The following RAPGEF6 variants were observed in gnomAD, a reference collection of about 807,000 sequenced individuals.
RAPGEF6 encodes the protein PDZ domain containing guanine nucleotide exchange factor (GEF) 2.
Under a neutral mutation model 171.4 loss-of-function variants are expected in RAPGEF6, and 56 were observed. That is an observed-to-expected ratio of 0.33 (90% confidence interval 0.26 to 0.41). The LOEUF is 0.41. Among genes scored for constraint, RAPGEF6 ranks in the 10% least tolerant of loss-of-function variants. RAPGEF6 has a pLI of 1.00. For missense variants in RAPGEF6, 1,674 were observed against 1,921.4 expected (o/e 0.87, Z 2.41); for synonymous variants, 692 against 650.1 (o/e 1.06, Z -0.98).
chr5:131,562,892 A>T (rs554916392), intron 4 of RAPGEF6, among the ~76,000 whole-genome samples: 1 of 152,284 alleles, frequency 6.6e-6, no homozygotes, highest in Admixed American at 6.5e-5. Context: ...TTCTTAAAAG[A>T]AAGTGTTGGA....
At chr5:131,566,699 G>C (rs1314534200) in intron 4 of RAPGEF6, among the ~76,000 whole-genome samples, 1 of 150,858 alleles carries the variant, frequency 6.6e-6, no homozygotes, top group Non-Finnish European at 1.5e-5. Flanking sequence ...AAGTTATCTG[G>C]GTCTAGACTT....
chr5:131,523,262 A>G, intron 6 of RAPGEF6, among the ~76,000 whole-genome samples: 1 of 144,024 alleles, frequency 6.9e-6, no homozygotes, highest in South Asian at 2.2e-4. Context: ...CAGGCCACAT[A>G]CAGTTTCTGT....
At chr5:131,552,524 A>T (rs1760982567) in intron 5 of RAPGEF6, among the ~76,000 whole-genome samples, 2 of 150,716 alleles carry the variant, frequency 1.3e-5, no homozygotes, top group Admixed American at 1.3e-4. Context: ...GCAATGGCGC[A>T]ATCTTGGCCC....
intron 22 of RAPGEF6, among the ~76,000 whole-genome samples, chr5:131,444,248 T>C (rs1222199167): frequency 1.3e-5 from 2 of 152,214 alleles, no homozygotes; most frequent in Admixed American, 6.5e-5. Flanking sequence ...AAAGTTCAAA[T>C]ACAGGGACCC....
At chr5:131,538,486 G>T (rs1162754643) in intron 6 of RAPGEF6, among the ~76,000 whole-genome samples, 1 of 152,140 alleles carries the variant, frequency 6.6e-6, no homozygotes, top group Non-Finnish European at 1.5e-5. Flanking sequence ...AAAACAGGCA[G>T]CAAAATCTGA....
At chr5:131,449,189 G>C (rs1360775750) in intron 21 of RAPGEF6, among the ~76,000 whole-genome samples, 2 of 152,202 alleles carry the variant, frequency 1.3e-5, no homozygotes. Context: ...GGACTAGATA[G>C]ATGATATATA....
intron 7 of RAPGEF6, among the ~76,000 whole-genome samples, chr5:131,515,328 G>A (rs1174182654): frequency 6.6e-6 from 1 of 152,138 alleles, no homozygotes; most frequent in Admixed American, 6.5e-5. Context: ...TTTCAGTCCA[G>A]GTTGACCCAT....
Position 131,541,517 on chromosome 5 carries a change from CT to C in RAPGEF6, c.495+6529del, listed in dbSNP as rs972647495. Among the ~76,000 whole-genome samples, 118 of 147,304 alleles carry C rather than the reference CT, an allele frequency of 8.0e-4. 1 individual carries two copies. The Middle Eastern group carries it at 0.011, about 13-fold the overall frequency. On this transcript the variant is annotated intron_variant, in intron 6 of 27. Transcript: ENST00000509018. ...TCAAGATTCTTAATTTTTCTTTTTA[CT>C]TTTTTTTTTTCTTTTTTTTGTAGAG...
At chr5:131,529,092 A>C (rs1424816227) in intron 6 of RAPGEF6, among the ~76,000 whole-genome samples, 1 of 152,082 alleles carries the variant, frequency 6.6e-6, no homozygotes, top group Admixed American at 6.5e-5. Context: ...AGAACCACTT[A>C]AGTCAACCTC....
intron 7 of RAPGEF6, among the ~76,000 whole-genome samples, chr5:131,521,135 A>G (rs1758447547): frequency 6.6e-6 from 1 of 152,238 alleles, no homozygotes; most frequent in Non-Finnish European, 1.5e-5. Context: ...AGATATTAAT[A>G]TGGATTCACC....
intron 23 of RAPGEF6, among the ~76,000 whole-genome samples, 155 bp downstream of exon 23, chr5:131,442,194 T>C (rs557104701): frequency 1.6e-4 from 24 of 152,334 alleles, no homozygotes; most frequent in African/African-American, 5.8e-4. Flanking sequence ...CAAACATCTA[T>C]AGGCAAAATG....
rs1044520140 is a variant in RAPGEF6 at position 131,623,059 on chromosome 5, TAAAAC to T, written c.69+11898_69+11902del. On this transcript the variant is annotated intron_variant, in intron 1 of 27. Transcript: ENST00000509018. ...TTTAATAACCAAAAATACCTAGTTC[TAAAAC>T]AAAACAAAACAAAACAAAAAAACTT... 2.3e-4 allele frequency among the ~76,000 whole-genome samples: 35 copies of T among 152,318 alleles called. 1 individual carries two copies. Among genetic ancestry groups the T allele is most frequent in the South Asian group, 8.3e-4 (4 of 4,828 alleles).
intron 6 of RAPGEF6, among the ~76,000 whole-genome samples, chr5:131,537,155 T>C (rs1759828686): frequency 6.6e-6 from 1 of 152,234 alleles, no homozygotes; most frequent in South Asian, 2.1e-4. Flanking sequence ...TATACATTAG[T>C]ATCTGAGTTG....
At position 131,429,018 on chromosome 5, in the gene RAPGEF6, C is replaced by T. The variant is rs374477552; in HGVS notation, c.4664G>A (p.Ser1555Asn). ...TGGAACACAGGCCACGAGGTTGCTACTGAGAGAAGCTGGTGGCAGTCTAGA... is the reference window on the plus strand; with the variant it reads ...TGGAACACAGGCCACGAGGTTGCTATTGAGAGAAGCTGGTGGCAGTCTAGA... Reference protein sequence around the residue: ...SLSRLPPASLSSNLVACVPSK... With the variant: ...SLSRLPPASLNSNLVACVPSK... Residue 1555 changes from serine to asparagine, a missense_variant, in exon 27 of 28, where the codon AGT becomes AAT. Around this residue, in one of 3 missense-constraint regions of RAPGEF6, gnomAD observed 552 missense variants for 574.2 expected, o/e 0.96. Coordinates refer to ENST00000509018, the MANE Select transcript of RAPGEF6 (RefSeq NM_016340.6). 6.2e-6 allele frequency: 10 copies of T among 1,614,056 alleles called. No homozygotes were observed. The African/African-American group carries it at 1.2e-4, about 19-fold the overall frequency.
chr5:131,554,610 C>G (rs1027477152), intron 5 of RAPGEF6, among the ~76,000 whole-genome samples: 18 of 152,184 alleles, frequency 1.2e-4, no homozygotes, highest in South Asian at 8.3e-4. Flanking sequence ...ACCTCCACCT[C>G]CCGGGTTCAA....
At chr5:131,603,350 A>C in intron 2 of RAPGEF6, 23 bp from the exon 3 acceptor site, 1 of 1,424,336 alleles carries the variant, frequency 7.0e-7, no homozygotes, top group Non-Finnish European at 9.6e-7. Context: ...AAAATTGAAG[A>C]TTTTATCTTA....
intron 6 of RAPGEF6, among the ~76,000 whole-genome samples, chr5:131,523,938 A>G (rs1381932014): frequency 1.3e-5 from 2 of 152,186 alleles, no homozygotes; most frequent in Non-Finnish European, 2.9e-5. Context: ...GAGTGATTAG[A>G]TTACTTTGGC....
Position 131,458,548 on chromosome 5 carries a change from T to G in RAPGEF6, c.2865-2536A>C, listed in dbSNP as rs574669711. 2.1e-3 allele frequency among the ~76,000 whole-genome samples: 314 copies of G among 152,338 alleles called. 2 individuals are homozygous for G. The highest frequency in any genetic ancestry group is 7.3e-3 in the African/African-American group (305 of 41,576). ...GGAAATAAAAGAAAACTGAAACAAGTGGAATAAGTGTTCTTGGATGGCAAG... is the reference window on the plus strand; with the variant it reads ...GGAAATAAAAGAAAACTGAAACAAGGGGAATAAGTGTTCTTGGATGGCAAG... On this transcript the variant is annotated intron_variant, in intron 19 of 27. Coordinates refer to ENST00000509018, the MANE Select transcript of RAPGEF6 (RefSeq NM_016340.6).
intron 4 of RAPGEF6, among the ~76,000 whole-genome samples, chr5:131,563,193 CAGTT>C (rs943394125): frequency 6.6e-6 from 1 of 151,760 alleles, no homozygotes; most frequent in Non-Finnish European, 1.5e-5. Flanking sequence ...GTGCCAGTGT[CAGTT>C]AGTAAATAAA....
Sources: allele counts gnomAD v4.1 joint callset (sites outside exome capture counted in the v4.1 genomes callset), GRCh38; gene constraint gnomAD v4.1.1; regional missense constraint gnomAD v4.1.1; transcripts MANE v1.5; gene names NCBI Gene and HGNC (gene_info 2026-07-23, HGNC 2026-07-21).